The following NBPF20 variants were observed in gnomAD, a reference collection of about 807,000 sequenced individuals.
The protein encoded by NBPF20 is NBPF member 20, also known as NBPF family member NBPF20.
A neutral mutation model predicts 68.1 loss-of-function variants in NBPF20; 90 were observed. That is an observed-to-expected ratio of 1.32 (90% CI 1.11 to 1.58). NBPF20 has a LOEUF of 1.58. Among genes scored for constraint, NBPF20 ranks in the 40% most tolerant of loss-of-function variants. NBPF20 has a pLI of 0.00. For synonymous variants in NBPF20, 290 were observed against 228.1 expected (o/e 1.27, Z -2.45); for missense variants, 816 against 601.2 (o/e 1.36, Z -3.74).
Position 145,309,499 on chromosome 1 carries a change from G to C in NBPF20, c.13938-251C>G, listed in dbSNP as rs1377919452. 1.6e-3 allele frequency among the ~76,000 whole-genome samples: 125 copies of C among 77,032 alleles called. 6 individuals carry two copies. The highest frequency in any genetic ancestry group is 9.9e-3 in the East Asian group (37 of 3,730). The allele number at this position is 77,032 out of a possible 152,430, so 50.5% of individuals were successfully genotyped here. ...ACACACAGACACACACACACACACAGAGAGAGAGAACGAGCTCAGTGAATT... is the reference window on the plus strand; with the variant it reads ...ACACACAGACACACACACACACACACAGAGAGAGAACGAGCTCAGTGAATT... On this transcript the variant is annotated intron_variant, in intron 115 of 137. Coordinates refer to ENST00000369373, the Ensembl canonical transcript of NBPF20.
intron 7 of NBPF20, among the ~76,000 whole-genome samples, chr1:145,398,826 G>A (rs1662380519): frequency 6.6e-6 from 1 of 150,672 alleles, no homozygotes; most frequent in Non-Finnish European, 1.5e-5. Flanking sequence ...ACCCTGTTTG[G>A]CTAGTTCACC....
intron 83 of NBPF20, among the ~76,000 whole-genome samples, 173 bp downstream of exon 88, chr1:145,335,069 G>A (rs1661570153): frequency 2.9e-5 from 2 of 68,362 alleles, no homozygotes; most frequent in African/African-American, 9.7e-5. Flanking sequence ...AATGATAAGG[G>A]GAGGAAGAAA....
chr1:145,411,275 A>G, the NBPF20 span, among the ~76,000 whole-genome samples: 2 of 150,300 alleles, frequency 1.3e-5, no homozygotes, highest in Non-Finnish European at 1.5e-5. Context: ...CTTCTGATCC[A>G]TGACAAGGTT....
At chr1:145,292,246 A>G (rs1448960492) in intron 137 of NBPF20, 135 bp downstream of exon 142, 4 of 650,918 alleles carry the variant, frequency 6.1e-6, no homozygotes, top group South Asian at 5.5e-5. Context: ...TACTGCAATG[A>G]AAACCAACAG....
At chr1:145,292,551 C>A (rs1250348210) in intron 136 of NBPF20, 62 bp from the exon 142 acceptor site, 22 of 711,448 alleles carry the variant, frequency 3.1e-5, no homozygotes, top group African/African-American at 2.0e-4. Context: ...CATAACAATC[C>A]ACTGTCTAAT....
chr1:145,398,322 T>C (rs1453378691), intron 7 of NBPF20, among the ~76,000 whole-genome samples: 1 of 151,606 alleles, frequency 6.6e-6, no homozygotes, highest in African/African-American at 2.4e-5. Context: ...ATTGACCACA[T>C]AGTTGGAGGT....
chr1:145,292,291 A>G (rs1175010067), intron 137 of NBPF20, 90 bp downstream of exon 142: 1 of 611,390 alleles, frequency 1.6e-6, no homozygotes, highest in Non-Finnish European at 2.9e-6. Flanking sequence ...CTTCGTTGAA[A>G]ACATGACATC....
At chr1:145,412,636 A>C in the NBPF20 span, among the ~76,000 whole-genome samples, 3 of 149,800 alleles carry the variant, frequency 2.0e-5, no homozygotes, top group Non-Finnish European at 3.0e-5. Context: ...GATACGAAGA[A>C]AACTCAGCTA....
rs1200360459 is a variant in NBPF20 at position 145,393,942 on chromosome 1, A to G, written c.992-7T>C. 5.3e-6 allele frequency: 7 copies of G among 1,308,914 alleles called. No individual in the cohort carries two copies. The highest frequency in any genetic ancestry group is 3.5e-5 in the South Asian group (3 of 85,248). 81.1% of individuals were successfully genotyped at this position (1,308,914 alleles called of 1,614,324 possible). On this transcript the variant is annotated splice_region_variant and splice_polypyrimidine_tract_variant and intron_variant, in intron 8 of 137. Coordinates refer to ENST00000369373, the Ensembl canonical transcript of NBPF20. ...ACTTGATCCCACCGATGTCCTGCAA[A>G]TAAATTCAGATGGGCCCTCTTACAT...
At chr1:145,425,199 C>T in the NBPF20 span, among the ~76,000 whole-genome samples, 690 of 152,242 alleles carry the variant, frequency 4.5e-3, 2 homozygotes, top group Middle Eastern at 0.054. Context: ...GAACTTAAGC[C>T]CCGGCGGGGC....
chr1:145,340,911 C>T, exon 76 of NBPF20: 1 of 152,580 alleles, frequency 6.6e-6, no homozygotes, highest in Non-Finnish European at 1.3e-5. Context: ...ACTTCAGGCC[C>T]TTTCTCATCC....
chr1:145,412,236 C>A, the NBPF20 span, among the ~76,000 whole-genome samples: 1 of 151,976 alleles, frequency 6.6e-6, no homozygotes, highest in Non-Finnish European at 1.5e-5. Context: ...TATTCTGTGA[C>A]TCTGGTTTCT....
chr1:145,419,161 G>A, the NBPF20 span, among the ~76,000 whole-genome samples: 1 of 139,030 alleles, frequency 7.2e-6, no homozygotes, highest in African/African-American at 2.7e-5. Context: ...GGAAGGGAGG[G>A]AGGGTGGAAG....
chr1:145,399,466 CA>C (rs1345136719), intron 6 of NBPF20, among the ~76,000 whole-genome samples: 6 of 151,336 alleles, frequency 4.0e-5, no homozygotes, highest in African/African-American at 1.2e-4. Context: ...TGTTTAGAGG[CA>C]TCTATACATG....
the NBPF20 span, among the ~76,000 whole-genome samples, chr1:145,410,766 GTATA>G: frequency 5.4e-5 from 6 of 111,552 alleles, no homozygotes; most frequent in African/African-American, 2.1e-4. Flanking sequence ...ATATATATAC[GTATA>G]TATATATATA....
exon 1 of NBPF20, chr1:145,405,500 C>A (rs1176108029): frequency 1.0e-5 from 15 of 1,504,900 alleles, no homozygotes; most frequent in Non-Finnish European, 1.2e-5. Flanking sequence ...GAGCTGAAAG[C>A]ACTGCCAGTA....
chr1:145,417,186 C>T, the NBPF20 span, among the ~76,000 whole-genome samples: 1 of 150,166 alleles, frequency 6.7e-6, no homozygotes, highest in African/African-American at 2.4e-5. Context: ...CACTGATCTT[C>T]CATGGAGGTT....
the NBPF20 span, among the ~76,000 whole-genome samples, chr1:145,415,314 C>T: frequency 6.6e-6 from 1 of 152,024 alleles, no homozygotes; most frequent in Non-Finnish European, 1.5e-5. Context: ...GGGCTTTACA[C>T]CGAGACATTC....
the NBPF20 span, among the ~76,000 whole-genome samples, chr1:145,419,435 C>G: frequency 2.6e-5 from 4 of 152,254 alleles, no homozygotes; most frequent in South Asian, 8.3e-4. Context: ...TTCCTCTGGC[C>G]CACTGTTGCC....
Sources: gnomAD v4.1 joint callset for allele counts (sites outside exome capture counted in the v4.1 genomes callset) on GRCh38, gnomAD v4.1.1 for gene constraint, MANE v1.5 for transcripts, NCBI Gene and HGNC (gene_info 2026-07-23, HGNC 2026-07-21) for gene names.